Variants in LARP4B observed in about 807,000 individuals in gnomAD.
LARP4B encodes the protein La ribonucleoprotein 4B, also known as la-related protein 4B.
LARP4B carries 12 observed loss-of-function variants against 89.8 expected under a neutral mutation model. The ratio of observed to expected loss-of-function variants is 0.13; its 90% CI spans 0.09 to 0.22. The LOEUF is 0.22. Among genes scored for constraint, LARP4B ranks in the 10% least tolerant of loss-of-function variants. The pLI is 1.00. For synonymous variants in LARP4B, 367 were observed against 363.3 expected (o/e 1.01, Z -0.12); for missense variants, 757 against 947.7 (o/e 0.80, Z 2.64).
intron 5 of LARP4B, among the ~76,000 whole-genome samples, chr10:848,194 C>T (rs562420683): frequency 4.3e-4 from 65 of 152,080 alleles, no homozygotes; most frequent in African/African-American, 1.5e-3. Context: ...TTGTGATTCC[C>T]GGAGCCCTGC....
intron 3 of LARP4B, among the ~76,000 whole-genome samples, chr10:880,547 AT>A (rs1404841625): frequency 1.3e-5 from 2 of 152,126 alleles, no homozygotes; most frequent in African/African-American, 4.8e-5. Flanking sequence ...TTAGCCAAGC[AT>A]GGTGGTGCAT....
At chr10:978,108 C>T in the LARP4B span, among the ~76,000 whole-genome samples, 5 of 152,212 alleles carry the variant, frequency 3.3e-5, no homozygotes, top group African/African-American at 9.7e-5. Context: ...CCACTATTCA[C>T]TTTTCTTCAT....
At chr10:957,219 G>A in the LARP4B span, among the ~76,000 whole-genome samples, 2 of 152,172 alleles carry the variant, frequency 1.3e-5, no homozygotes, top group South Asian at 2.1e-4. Context: ...CTGGAGTGCA[G>A]TGGCACAATC....
chr10:867,348 G>A (rs1834953465), intron 3 of LARP4B, among the ~76,000 whole-genome samples: 1 of 152,106 alleles, frequency 6.6e-6, no homozygotes, highest in African/African-American at 2.4e-5. Flanking sequence ...AAAAAACCAA[G>A]GCAGAGAAAG....
At position 828,838 on chromosome 10, in the gene LARP4B, G is replaced by A. The variant is rs1428946145; in HGVS notation, c.1125+547C>T. On this transcript the variant is annotated intron_variant, in intron 11 of 17. Transcript: ENST00000316157. ...ACTCATGCTAATTCCCACCCAGAAT[G>A]CACTTGATCTTTCAAGCATCTATAG... Among the ~76,000 whole-genome samples the A allele has an allele frequency of 2.6e-5, 4 of 152,144 alleles. No homozygotes were observed. The East Asian group carries it at 7.7e-4, about 29-fold the overall frequency.
At chr10:844,936 C>G (rs775151455) in intron 6 of LARP4B, 41 bp downstream of exon 6, 1 of 1,434,970 alleles carries the variant, frequency 7.0e-7, no homozygotes, top group East Asian at 2.3e-5. Context: ...TTGCACAATA[C>G]TAGAAATATC....
At chr10:847,036 G>A (rs559324781) in intron 5 of LARP4B, among the ~76,000 whole-genome samples, 2 of 152,232 alleles carry the variant, frequency 1.3e-5, no homozygotes, top group African/African-American at 4.8e-5. Flanking sequence ...TAAAGAGCTC[G>A]ACAAATGCTG....
intron 14 of LARP4B, chr10:820,507 C>T (rs1254183575): frequency 8.2e-6 from 3 of 367,496 alleles, no homozygotes; most frequent in African/African-American, 2.1e-5. Flanking sequence ...CGTGCACACC[C>T]GTGTGTAGGC....
At chr10:984,330 A>G in the LARP4B span, among the ~76,000 whole-genome samples, 1 of 152,252 alleles carries the variant, frequency 6.6e-6, no homozygotes, top group Non-Finnish European at 1.5e-5. Flanking sequence ...TCATACAAGC[A>G]TAAGTACATG....
intron 1 of LARP4B, among the ~76,000 whole-genome samples, chr10:917,752 G>A (rs2132038238): frequency 6.6e-6 from 1 of 152,310 alleles, no homozygotes; most frequent in East Asian, 1.9e-4. Flanking sequence ...CTTTATAGTT[G>A]AATCCAAAAT....
At chr10:881,026 G>A (rs1835647437) in intron 3 of LARP4B, among the ~76,000 whole-genome samples, 1 of 152,174 alleles carries the variant, frequency 6.6e-6, no homozygotes, top group Admixed American at 6.5e-5. Context: ...GTCGCACACA[G>A]GAGTAAGAAC....
chr10:916,158 AT>A (rs1482772988), intron 1 of LARP4B, among the ~76,000 whole-genome samples: 1 of 152,184 alleles, frequency 6.6e-6, no homozygotes, highest in Non-Finnish European at 1.5e-5. Flanking sequence ...GATTTCTGAA[AT>A]CCTGATATGT....
At chr10:908,463 G>C (rs1221278561) in intron 1 of LARP4B, among the ~76,000 whole-genome samples, 2 of 152,252 alleles carry the variant, frequency 1.3e-5, no homozygotes, top group African/African-American at 2.4e-5. Context: ...GGGATCCTAG[G>C]AAGCATGGGT....
chr10:826,886 T>C (rs1424771692), intron 11 of LARP4B, among the ~76,000 whole-genome samples: 2 of 152,202 alleles, frequency 1.3e-5, no homozygotes, highest in African/African-American at 2.4e-5. Flanking sequence ...ATATTATAGC[T>C]TAGGACTAAA....
chr10:963,629 C>A, the LARP4B span, among the ~76,000 whole-genome samples: 1 of 152,208 alleles, frequency 6.6e-6, no homozygotes, highest in Non-Finnish European at 1.5e-5. Context: ...AAGATGCCTT[C>A]AGTGACAATG....
chr10:814,399 G>A lies in LARP4B; in HGVS notation c.1929+343C>T, dbSNP rs767978610. ...TCTCTTCATCAGACACACGATGCGC[G>A]CGCACGCACGCAAACATACACACAC... is the stretch of plus-strand genomic sequence containing the variant. On this transcript the variant is annotated intron_variant, in intron 17 of 17. Transcript: ENST00000316157. The surrounding 1 kb of genome is among the most constrained non-coding windows in gnomAD (Gnocchi z 4.4). 1.3e-4 allele frequency: 47 copies of A among 372,228 alleles called. No individual in the cohort carries two copies. The highest frequency in any genetic ancestry group is 1.6e-4 in the Non-Finnish European group (30 of 184,908). The allele number at this position is 372,228 out of a possible 1,614,324, so 23.1% of individuals were successfully genotyped here. A position where few individuals can be genotyped will look rare whatever the true frequency, so the allele number is the denominator to read the frequency against.
At chr10:877,036 G>A (rs1309679441) in intron 3 of LARP4B, among the ~76,000 whole-genome samples, 8 of 152,164 alleles carry the variant, frequency 5.3e-5, no homozygotes, top group East Asian at 3.9e-4. Context: ...GCAATGCACA[G>A]GATGTGGGGA....
chr10:972,643 T>C, the LARP4B span: 1 of 457,416 alleles, frequency 2.2e-6, no homozygotes, highest in Non-Finnish European at 4.4e-6. Flanking sequence ...ATTCCATTTC[T>C]ATGTAAGCCG....
At chr10:834,677 A>C (rs2131686048) in intron 8 of LARP4B, among the ~76,000 whole-genome samples, 1 of 152,336 alleles carries the variant, frequency 6.6e-6, no homozygotes, top group African/African-American at 2.4e-5. Flanking sequence ...CAAGTTTTAC[A>C]AAAGACATAA....
Sources: gnomAD v4.1 joint callset for allele counts (sites outside exome capture counted in the v4.1 genomes callset) on GRCh38, gnomAD v4.1.1 for gene constraint, Gnocchi (gnomAD v3.1) non-coding constraint, MANE v1.5 for transcripts, NCBI Gene and HGNC (gene_info 2026-07-23, HGNC 2026-07-21) for gene names.